The following GRM7 variants were observed in gnomAD, a reference collection of about 807,000 sequenced individuals.
GRM7 encodes the protein metabotropic glutamate receptor 7.
In GRM7, 35 loss-of-function variants were observed where a neutral mutation model predicts 84.5. The observed-to-expected ratio is 0.41, with a 90% CI of 0.32 to 0.55. The LOEUF (loss-of-function observed/expected upper bound fraction) is 0.55. GRM7 is among the 20% of genes least tolerant of loss of function. GRM7 has a pLI of 0.19. For synonymous variants in GRM7, 487 were observed against 455.1 expected (o/e 1.07, Z -0.89); for missense variants, 1,003 against 1,194.6 (o/e 0.84, Z 2.36).
chr3:7,625,358 A>C (rs1441860686), intron 8 of GRM7, among the ~76,000 whole-genome samples: 1 of 152,174 alleles, frequency 6.6e-6, no homozygotes, highest in African/African-American at 2.4e-5. Flanking sequence ...AAAAGGGTGA[A>C]ATGCTAACAA....
At chr3:7,203,169 C>G (rs113818757) in intron 2 of GRM7, among the ~76,000 whole-genome samples, 2,515 of 152,284 alleles carry the variant, frequency 0.017, 63 homozygotes, top group African/African-American at 0.056. Flanking sequence ...CTATCTGACT[C>G]TATGTTTGTA....
chr3:7,126,522 G>A (rs1693406581), intron 1 of GRM7, among the ~76,000 whole-genome samples: 1 of 152,126 alleles, frequency 6.6e-6, no homozygotes, highest in East Asian at 1.9e-4. Flanking sequence ...GACTGATAAT[G>A]CTTGGAAATG....
At chr3:7,709,989 C>A (rs549459145) in intron 9 of GRM7, among the ~76,000 whole-genome samples, 2 of 152,082 alleles carry the variant, frequency 1.3e-5, no homozygotes, top group Non-Finnish European at 2.9e-5. Context: ...TCCAAGAATT[C>A]GGACAGGTCA....
intron 7 of GRM7, among the ~76,000 whole-genome samples, chr3:7,502,051 T>G (rs1159172865): frequency 1.3e-5 from 2 of 152,228 alleles, no homozygotes; most frequent in Non-Finnish European, 2.9e-5. Flanking sequence ...ACTGAAATTC[T>G]GGCCCTTCTG....
At chr3:7,708,877 A>G (rs1217367064) in intron 9 of GRM7, among the ~76,000 whole-genome samples, 1 of 151,658 alleles carries the variant, frequency 6.6e-6, no homozygotes, top group Admixed American at 6.6e-5. Flanking sequence ...AAACAAATAT[A>G]AAAATAGAAA....
At chr3:7,618,935 T>G (rs191499636) in intron 8 of GRM7, among the ~76,000 whole-genome samples, 35 of 152,248 alleles carry the variant, frequency 2.3e-4, no homozygotes, top group Non-Finnish European at 3.7e-4. Context: ...TTTGTAAAAG[T>G]GCCTATCACC....
chr3:7,334,279 A>G (rs752021813), intron 4 of GRM7, among the ~76,000 whole-genome samples: 12 of 152,134 alleles, frequency 7.9e-5, no homozygotes, highest in Non-Finnish European at 1.6e-4. Context: ...CCAAGCAGGA[A>G]GGGATTGGGG....
chr3:7,038,851 A>G (rs1359803688), intron 1 of GRM7, among the ~76,000 whole-genome samples: 1 of 152,064 alleles, frequency 6.6e-6, no homozygotes, highest in East Asian at 1.9e-4. Context: ...TAAAGCTTCC[A>G]CCCCTTTTTT....
intron 1 of GRM7, among the ~76,000 whole-genome samples, chr3:6,921,067 A>T (rs549554034): frequency 6.6e-6 from 1 of 152,346 alleles, no homozygotes; most frequent in Admixed American, 6.5e-5. Flanking sequence ...TTCTGAAGGC[A>T]TCCGTCACAT....
intron 1 of GRM7, among the ~76,000 whole-genome samples, chr3:6,976,022 T>C (rs1311627032): frequency 1.3e-5 from 2 of 152,140 alleles, no homozygotes; most frequent in East Asian, 3.9e-4. Context: ...TTCTACAATT[T>C]GGATTTCTAG....
chr3:7,363,252 G>A (rs1225672978), intron 4 of GRM7, among the ~76,000 whole-genome samples: 2 of 151,938 alleles, frequency 1.3e-5, no homozygotes, highest in Non-Finnish European at 2.9e-5. Flanking sequence ...CAGTCTATGT[G>A]AATCACAAAA....
intron 4 of GRM7, among the ~76,000 whole-genome samples, chr3:7,336,243 G>A (rs550151557): frequency 5.3e-5 from 8 of 151,882 alleles, no homozygotes; most frequent in Non-Finnish European, 7.4e-5. Flanking sequence ...TTTAACATAC[G>A]CAAGTCAATA....
intron 8 of GRM7, among the ~76,000 whole-genome samples, chr3:7,588,267 C>T (rs749378036): frequency 3.3e-5 from 5 of 152,170 alleles, no homozygotes; most frequent in Non-Finnish European, 5.9e-5. Context: ...TAAAGCTATC[C>T]TCAAATGACT....
In GRM7 at chr3:7,579,292, A is replaced by G. The variant is rs1430504341; in HGVS notation, c.2386A>G (p.Thr796Ala). 6.2e-7 allele frequency: 1 copy of G among 1,613,864 alleles called. No homozygotes were observed. The highest frequency in any genetic ancestry group is 8.5e-7 in the Non-Finnish European group (1 of 1,179,844). ...CAAGCCCATTGGATTCACTATGTACACGACATGTATAGTATGGCTTGCCTT... is the reference window on the plus strand; with the variant it reads ...CAAGCCCATTGGATTCACTATGTACGCGACATGTATAGTATGGCTTGCCTT... ...EAKPIGFTMY[T>A]TCIVWLAFIP... Residue 796 changes from threonine (T) to alanine (A), a missense_variant, in exon 8 of 10, where the codon ACG (threonine) becomes GCG (alanine). Physicochemically the swap from Thr to Ala is moderately conservative, Grantham distance 58 (BLOSUM62 0). Coordinates refer to ENST00000357716, the MANE Select transcript of GRM7 (RefSeq NM_000844.4).
intron 1 of GRM7, among the ~76,000 whole-genome samples, chr3:7,078,733 G>A (rs1457935446): frequency 6.6e-6 from 1 of 152,156 alleles, no homozygotes; most frequent in African/African-American, 2.4e-5. Flanking sequence ...AACTTGTAAG[G>A]TGTAGCCATA....
chr3:7,430,703 C>T (rs1406379180), intron 5 of GRM7, among the ~76,000 whole-genome samples: 3 of 152,170 alleles, frequency 2.0e-5, no homozygotes, highest in Non-Finnish European at 4.4e-5. Flanking sequence ...GGACAGTCCT[C>T]CATTGGCCTC....
chr3:7,609,707 A>G (rs759881556), intron 8 of GRM7, among the ~76,000 whole-genome samples: 14 of 152,218 alleles, frequency 9.2e-5, no homozygotes, highest in Non-Finnish European at 2.1e-4. Context: ...GGATGAAATC[A>G]TCACCTAGAG....
intron 1 of GRM7, among the ~76,000 whole-genome samples, chr3:7,082,743 A>G (rs1345300649): frequency 6.6e-6 from 1 of 152,152 alleles, no homozygotes; most frequent in Non-Finnish European, 1.5e-5. Context: ...CAACATGAAC[A>G]GGAGTTTGGA....
chr3:7,707,930 A>ATTTTTTTTTTTTTTTTT (rs34344224), intron 9 of GRM7, among the ~76,000 whole-genome samples: 8 of 123,688 alleles, frequency 6.5e-5, no homozygotes, highest in Non-Finnish European at 1.0e-4. Context: ...GAAGCTTTCA[A>ATTTTTTTTTTTTTTTTT]TTTTTTTTTT....
Sources: allele counts gnomAD v4.1 joint callset (sites outside exome capture counted in the v4.1 genomes callset), GRCh38; gene constraint gnomAD v4.1.1; transcripts MANE v1.5; gene names NCBI Gene and HGNC (gene_info 2026-07-23, HGNC 2026-07-21).